The following TNNI3K variants were observed in gnomAD, a reference collection of about 807,000 sequenced individuals.
TNNI3K encodes the protein TNNI3 interacting kinase.
A neutral mutation model predicts 114.5 loss-of-function variants in TNNI3K; 140 were observed. That is an observed-to-expected ratio of 1.22 (90% confidence interval 1.07 to 1.41). TNNI3K has a LOEUF of 1.41. TNNI3K is among the 40% of genes most tolerant of loss of function. The pLI, the probability that TNNI3K is intolerant of heterozygous loss-of-function variation, is 0.00. For synonymous variants in TNNI3K, 347 were observed against 347.5 expected (o/e 1.00, Z 0.02); for missense variants, 1,125 against 1,007.6 (o/e 1.12, Z -1.58).
At chr1:74,342,025 C>A (rs1660770870) in intron 7 of TNNI3K, 2 of 152,090 alleles carry the variant, frequency 1.3e-5, no homozygotes, top group Non-Finnish European at 2.9e-5. Context: ...AGAATTATTC[C>A]AGGATAACAA....
At chr1:74,520,889 T>A (rs1264385716) in intron 23 of TNNI3K, among the ~76,000 whole-genome samples, 1 of 152,022 alleles carries the variant, frequency 6.6e-6, no homozygotes, top group East Asian at 1.9e-4. Context: ...TTGGGGAGGA[T>A]TGCTTGGAGC....
At chr1:74,437,580 A>G (rs1325605) in intron 19 of TNNI3K, among the ~76,000 whole-genome samples, 88,029 of 151,582 alleles carry the variant, frequency 0.58, 29,718 homozygotes, top group East Asian at 0.8. Flanking sequence ...GGCAATAGTA[A>G]GTGCAGAGGT....
intron 11 of TNNI3K, among the ~76,000 whole-genome samples, chr1:74,363,860 G>A (rs1457419975): frequency 6.6e-6 from 1 of 151,574 alleles, no homozygotes. Context: ...GATTCCAAAA[G>A]CACTATAGGT....
intron 5 of TNNI3K, among the ~76,000 whole-genome samples, chr1:74,303,827 C>T (rs985675899): frequency 6.6e-6 from 1 of 152,056 alleles, no homozygotes; most frequent in African/African-American, 2.4e-5. Flanking sequence ...GGGAGGAGGT[C>T]AAAATACCTA....
chr1:74,422,319 A>T (rs921997635), intron 17 of TNNI3K, among the ~76,000 whole-genome samples: 2 of 152,108 alleles, frequency 1.3e-5, no homozygotes, highest in African/African-American at 4.8e-5. Flanking sequence ...TAATTCTCCA[A>T]TGCAGGTATT....
chr1:74,464,493 C>T, intron 21 of TNNI3K: 1 of 1,352,590 alleles, frequency 7.4e-7, no homozygotes, highest in Non-Finnish European at 9.5e-7. Context: ...GTTTCTGATC[C>T]TTCCTAGGCA....
intron 4 of TNNI3K, among the ~76,000 whole-genome samples, chr1:74,259,245 T>C (rs1557456460): frequency 6.6e-6 from 1 of 152,186 alleles, no homozygotes; most frequent in Non-Finnish European, 1.5e-5. Flanking sequence ...TCAGGAAAGC[T>C]GATAGTATGA....
At chr1:74,272,798 A>G (rs1656430764) in intron 5 of TNNI3K, among the ~76,000 whole-genome samples, 2 of 152,100 alleles carry the variant, frequency 1.3e-5, no homozygotes, top group South Asian at 2.1e-4. Context: ...TGCCGCTGCC[A>G]TTTGATAGAT....
At chr1:74,394,561 G>A (rs1663972469) in intron 17 of TNNI3K, among the ~76,000 whole-genome samples, 1 of 152,054 alleles carries the variant, frequency 6.6e-6, no homozygotes, top group African/African-American at 2.4e-5. Flanking sequence ...CCCCTTAGCT[G>A]CCCTCACCCA....
At chr1:74,448,360 T>G (rs1228436570) in intron 20 of TNNI3K, among the ~76,000 whole-genome samples, 8 of 148,218 alleles carry the variant, frequency 5.4e-5, no homozygotes, top group Non-Finnish European at 1.0e-4. Flanking sequence ...AAGGAGATTT[T>G]GGGCTGAGAC....
At chr1:74,382,449 C>T (rs879602361) in intron 17 of TNNI3K, among the ~76,000 whole-genome samples, 4 of 152,134 alleles carry the variant, frequency 2.6e-5, no homozygotes, top group Non-Finnish European at 5.9e-5. Flanking sequence ...AAGTCTTGGA[C>T]TAAGATTCAT....
At chr1:74,241,953 C>T (rs1039202583) in intron 2 of TNNI3K, among the ~76,000 whole-genome samples, 2 of 151,550 alleles carry the variant, frequency 1.3e-5, no homozygotes, top group African/African-American at 4.9e-5. Flanking sequence ...GGATTCACGC[C>T]ATTCTCCTGC....
In TNNI3K at chr1:74,392,034, T is replaced by C. The variant is rs370409925; in HGVS notation, c.1772+21642T>C. On this transcript the variant is annotated intron_variant, in intron 17 of 24. Coordinates refer to ENST00000326637, the MANE Select transcript of TNNI3K (RefSeq NM_015978.3). ...AGGCTGGAGTGCAGTGGCAGGATCTTGGCTCACTGCAAGCTCCGCCTCCCG... is the reference window on the plus strand; with the variant it reads ...AGGCTGGAGTGCAGTGGCAGGATCTCGGCTCACTGCAAGCTCCGCCTCCCG... Among the ~76,000 whole-genome samples, 56 of 149,460 alleles carry C rather than the reference T, an allele frequency of 3.7e-4. No individual in the cohort carries two copies. In the East Asian group the frequency reaches 5.1e-3, roughly 14 times the overall value.
chr1:74,399,070 C>T (rs1226120921), intron 17 of TNNI3K, among the ~76,000 whole-genome samples: 1 of 149,196 alleles, frequency 6.7e-6, no homozygotes, highest in Non-Finnish European at 1.5e-5. Flanking sequence ...GCAGGAGAAT[C>T]GCTTGAACCC....
chr1:74,484,421 G>A (rs1216951642), intron 21 of TNNI3K, among the ~76,000 whole-genome samples: 1 of 152,158 alleles, frequency 6.6e-6, no homozygotes, highest in African/African-American at 2.4e-5. Context: ...CCCTTGTGAA[G>A]TGTACTTTCT....
intron 11 of TNNI3K, among the ~76,000 whole-genome samples, chr1:74,363,663 G>A (rs1029792678): frequency 1.3e-5 from 2 of 151,896 alleles, no homozygotes; most frequent in African/African-American, 4.8e-5. Context: ...TTCTATATAG[G>A]GGCTGAGATA....
chr1:74,383,696 G>T (rs1315476943), intron 17 of TNNI3K, among the ~76,000 whole-genome samples: 2 of 151,942 alleles, frequency 1.3e-5, no homozygotes, highest in Non-Finnish European at 2.9e-5. Context: ...TACAATGACT[G>T]GGGCCTAATA....
chr1:74,403,998 G>A (rs1664492889), intron 17 of TNNI3K, among the ~76,000 whole-genome samples: 1 of 152,026 alleles, frequency 6.6e-6, no homozygotes, highest in Non-Finnish European at 1.5e-5. Flanking sequence ...ATGTGTGTTA[G>A]TTAAGAACCT....
chr1:74,394,829 G>A lies in TNNI3K; in HGVS notation c.1772+24437G>A, dbSNP rs187020506. Among the ~76,000 whole-genome samples, 730 of 152,214 alleles carry A rather than the reference G, an allele frequency of 4.8e-3. 12 individuals are homozygous for A. The highest frequency in any genetic ancestry group is 0.017 in the African/African-American group (697 of 41,540). ...GGAGGCTGAGGCGGGTGGATCATGA[G>A]GTCAGGAGATCCAGACCATCCTGGC... On this transcript the variant is annotated intron_variant, in intron 17 of 24. Transcript: ENST00000326637.
Sources: gnomAD v4.1 joint callset for allele counts (sites outside exome capture counted in the v4.1 genomes callset) on GRCh38, gnomAD v4.1.1 for gene constraint, MANE v1.5 for transcripts, NCBI Gene and HGNC (gene_info 2026-07-23, HGNC 2026-07-21) for gene names.